The following VAV2 variants were observed in gnomAD, a reference collection of about 807,000 sequenced individuals.
VAV2 encodes guanine nucleotide exchange factor VAV2.
Under a neutral mutation model 132.5 loss-of-function variants are expected in VAV2, and 67 were observed. That is an observed-to-expected ratio of 0.51 (90% CI 0.42 to 0.62). The LOEUF (loss-of-function observed/expected upper bound fraction) is 0.62, where lower values mean the gene tolerates loss of function less well. Among genes scored for constraint, VAV2 ranks in the 20% least tolerant of loss-of-function variants. The probability of loss-of-function intolerance (pLI) is 0.00; values close to 1 mark genes in which losing one functional copy is unlikely to be tolerated. For missense variants in VAV2, 938 were observed against 1,153.6 expected, an observed-to-expected ratio of 0.81 and a Z score of 2.71; for synonymous variants, 492 against 443.5, an observed-to-expected ratio of 1.11 and a Z score of -1.37.
At position 133,778,805 on chromosome 9, in the gene VAV2, ACGTCGCC is replaced by A; in HGVS notation, c.1840_1846del (p.Gly614CysfsTer5). On this transcript the variant is annotated frameshift_variant, in exon 22 of 30. Coordinates refer to ENST00000371850, the MANE Select transcript of VAV2 (RefSeq NM_001134398.2). LOFTEE classifies it high-confidence loss of function. ...AGGGTCGCCCCTCAGCAGCTCAAGC[ACGTCGCC>A]CGTCTGGAAGGTCAGCACAGGCTTC... is the stretch of plus-strand genomic sequence containing the variant. 1.2e-6 allele frequency: 2 copies of A among 1,613,030 alleles called. No homozygotes were observed. The highest frequency in any genetic ancestry group is 1.7e-6 in the Non-Finnish European group (2 of 1,180,000).
At position 133,768,265 on chromosome 9, in the gene VAV2, C is replaced by T. The variant is rs188905513; in HGVS notation, c.2589+177G>A. 5.3e-4 allele frequency among the ~76,000 whole-genome samples: 81 copies of T among 152,280 alleles called. No homozygotes were observed. Among genetic ancestry groups the T allele is most frequent in the Non-Finnish European group, 8.4e-4 (57 of 68,016 alleles). On this transcript the variant is annotated intron_variant, in intron 29 of 29. Transcript: ENST00000371850. This position sits in a 1 kb window ranked among gnomAD's most constrained non-coding sequence, Gnocchi z 5.3. ...GGTTCGTGGTAAACATCTGGAGCCTCGGTTTCCCCCTGTGAATGCCAACCT... is the reference window on the plus strand; with the variant it reads ...GGTTCGTGGTAAACATCTGGAGCCTTGGTTTCCCCCTGTGAATGCCAACCT...
intron 4 of VAV2, among the ~76,000 whole-genome samples, chr9:133,822,520 A>G (rs1223232611): frequency 6.6e-6 from 1 of 152,182 alleles, no homozygotes; most frequent in East Asian, 1.9e-4. Context: ...TTTACACATC[A>G]GGGAGCTTGT....
chr9:133,780,747 C>T lies in VAV2; in HGVS notation c.1724-37G>A, dbSNP rs571910465. 13 of 1,263,596 alleles carry T rather than the reference C, an allele frequency of 1.0e-5. 1 individual carries two copies. In the South Asian group the frequency reaches 4.6e-4, roughly 45 times the overall value. 78.3% of individuals were successfully genotyped at this position (1,263,596 alleles called of 1,614,324 possible). On this transcript the variant is annotated intron_variant, in intron 19 of 29. Coordinates refer to ENST00000371850, the MANE Select transcript of VAV2 (RefSeq NM_001134398.2). ...GCAGGTCAGGTGTTAGAGGGGAGGC[C>T]ACCGACGCCAAGGCCCCGTGCAGCT...
chr9:133,877,692 G>A (rs182224046), intron 2 of VAV2, among the ~76,000 whole-genome samples: 122 of 152,276 alleles, frequency 8.0e-4, no homozygotes, highest in African/African-American at 2.7e-3. Flanking sequence ...TCCACTGCAC[G>A]TTCCCAGTCT....
rs1262170621 is a variant in VAV2, at chr9:133,768,362, G to A, written c.2589+80C>T. On this transcript the variant is annotated intron_variant, in intron 29 of 29. Transcript: ENST00000371850. This position sits in a 1 kb window ranked among gnomAD's most constrained non-coding sequence, Gnocchi z 5.3. The stretch of plus-strand genomic sequence containing the variant: ...CAGGGCCTGGGGTGTGGACATAGGT[G>A]TGGTGCTAGTCTGCCTGAGCCCGAC... 1.2e-5 allele frequency: 18 copies of A among 1,545,764 alleles called. No homozygotes were observed. The highest frequency in any genetic ancestry group is 1.5e-5 in the Non-Finnish European group (17 of 1,146,918).
chr9:133,835,727 A>G (rs983668905), intron 3 of VAV2, among the ~76,000 whole-genome samples: 22 of 152,222 alleles, frequency 1.4e-4, no homozygotes, highest in African/African-American at 5.1e-4. Flanking sequence ...CCGTCCCGGC[A>G]GCCCCGCCCC....
At chr9:133,934,858 C>G (rs1175473436) in intron 2 of VAV2, among the ~76,000 whole-genome samples, 1 of 152,242 alleles carries the variant, frequency 6.6e-6, no homozygotes, top group African/African-American at 2.4e-5. Context: ...GCTTCTGTCT[C>G]TCTGGTCTCT....
chr9:133,959,327 C>T (rs1340955680), intron 1 of VAV2, among the ~76,000 whole-genome samples: 3 of 152,168 alleles, frequency 2.0e-5, no homozygotes, highest in Non-Finnish European at 4.4e-5. Context: ...CCCCGACCCA[C>T]CTCACTCAGG....
chr9:133,769,582 GGGGGCATGGGGT>G lies in VAV2; in HGVS notation c.2348-91_2348-80del. 6.9e-7 allele frequency: 1 copy of G among 1,442,462 alleles called. No homozygotes were observed. Among genetic ancestry groups the G allele is most frequent in the Non-Finnish European group, 9.5e-7 (1 of 1,055,514 alleles). The allele number at this position is 1,442,462 out of a possible 1,614,324, so 89.4% of individuals were successfully genotyped here. ...TCACGGTGGGCACAGCTACAGGCCG[GGGGGCATGGGGT>G]GGGGCAGGCCCTTTGGCAGGAGAGG... On this transcript the variant is annotated intron_variant, in intron 27 of 29. Coordinates refer to ENST00000371850, the MANE Select transcript of VAV2 (RefSeq NM_001134398.2). The surrounding 1 kb of genome is among the most constrained non-coding windows in gnomAD (Gnocchi z 8.1).
chr9:133,827,739 C>CGCCAGCTACCGCTGCGCCCACTGGGGCTG lies in VAV2; in HGVS notation c.449+6532_449+6533insCAGCCCCAGTGGGCGCAGCGGTAGCTGGC. On this transcript the variant is annotated intron_variant, in intron 4 of 29. Transcript: ENST00000371850. ...GGGGCTGACCACTGAGCACGGGCAT[C>CGCCAGCTACCGCTGCGCCCACTGGGGCTG]ACCACCTACCGCTGCGCCCACTGGG... Among the ~76,000 whole-genome samples, 3 of 39,378 alleles carry CGCCAGCTACCGCTGCGCCCACTGGGGCTG rather than the reference C, an allele frequency of 7.6e-5. 1 individual carries two copies. The highest frequency in any genetic ancestry group is 1.3e-4 in the African/African-American group (3 of 22,520). 25.8% of individuals were successfully genotyped at this position (39,378 alleles called of 152,430 possible). A position where few individuals can be genotyped will look rare whatever the true frequency, so the allele number is the denominator to read the frequency against.
At position 133,926,519 on chromosome 9, in the gene VAV2, CT is replaced by C. The variant is rs1402030215; in HGVS notation, c.321+12583del. 6.6e-6 allele frequency among the ~76,000 whole-genome samples: 1 copy of C among 152,170 alleles called. No individual in the cohort carries two copies. The highest frequency in any genetic ancestry group is 6.5e-5 in the Admixed American group (1 of 15,290). ...GTAGGGCTCTCTGGCACTGCCCTAG[CT>C]CCTGCCCCTCCCAGTCTCCTACTCC... is the stretch of plus-strand genomic sequence containing the variant. On this transcript the variant is annotated intron_variant, in intron 2 of 29. Coordinates refer to ENST00000371850, the MANE Select transcript of VAV2 (RefSeq NM_001134398.2). This position sits in a 1 kb window ranked among gnomAD's most constrained non-coding sequence, Gnocchi z 4.3.
intron 1 of VAV2, among the ~76,000 whole-genome samples, chr9:133,988,275 A>T (rs536076663): frequency 6.6e-6 from 1 of 151,816 alleles, no homozygotes; most frequent in Admixed American, 6.6e-5. Flanking sequence ...CACCGTGACA[A>T]CCCAAAACCC....
chr9:133,896,110 A>G (rs1839191338), intron 2 of VAV2, among the ~76,000 whole-genome samples: 1 of 83,246 alleles, frequency 1.2e-5, no homozygotes, highest in Admixed American at 1.1e-4. Flanking sequence ...CTGGGTACTT[A>G]AGATTAGGGA....
intron 2 of VAV2, among the ~76,000 whole-genome samples, chr9:133,874,632 G>A (rs1012092534): frequency 3.9e-5 from 6 of 152,134 alleles, no homozygotes; most frequent in African/African-American, 1.4e-4. Flanking sequence ...GGGCAGGAGG[G>A]AGGGGTTCTG....
At position 133,885,465 on chromosome 9, in the gene VAV2, C is replaced by G. The variant is rs140155130; in HGVS notation, c.322-24033G>C. Among the ~76,000 whole-genome samples, 995 of 152,302 alleles carry G rather than the reference C, an allele frequency of 6.5e-3. 11 individuals are homozygous for G. Among genetic ancestry groups the G allele is most frequent in the Non-Finnish European group, 0.011 (733 of 68,024 alleles). Reference sequence around the variant, plus strand: ...CTTGATCCAAGGGCACAGCGGTGGCCGGTACTTCCTGAGGGCCTGCCACTG... The same window carrying G: ...CTTGATCCAAGGGCACAGCGGTGGCGGGTACTTCCTGAGGGCCTGCCACTG... On this transcript the variant is annotated intron_variant, in intron 2 of 29. Transcript: ENST00000371850. The surrounding 1 kb of genome is among the most constrained non-coding windows in gnomAD (Gnocchi z 5.0).
intron 3 of VAV2, among the ~76,000 whole-genome samples, chr9:133,848,764 C>G (rs943688448): frequency 8.5e-5 from 13 of 152,234 alleles, no homozygotes; most frequent in Non-Finnish European, 1.5e-4. Flanking sequence ...CAGGCTCCTG[C>G]GTCGTTCAGG....
intron 1 of VAV2, among the ~76,000 whole-genome samples, chr9:133,940,036 G>A (rs891886319): frequency 6.6e-6 from 1 of 152,266 alleles, no homozygotes; most frequent in Non-Finnish European, 1.5e-5. Context: ...AGCTTGGTAA[G>A]GAAACTTATA....
chr9:133,971,460 C>T (rs1032046269), intron 1 of VAV2, among the ~76,000 whole-genome samples: 29 of 152,160 alleles, frequency 1.9e-4, no homozygotes, highest in African/African-American at 6.8e-4. Flanking sequence ...CCCACACACA[C>T]ACAGAGGGGC....
rs1838621432 is a variant in VAV2, at chr9:133,884,445, G to A, written c.322-23013C>T. Among the ~76,000 whole-genome samples, 2 of 152,146 alleles carry A rather than the reference G, an allele frequency of 1.3e-5. No individual in the cohort carries two copies. Among genetic ancestry groups the A allele is most frequent in the Admixed American group, 1.3e-4 (2 of 15,278 alleles). The stretch of plus-strand genomic sequence containing the variant: ...CCCTTCTCAACGCCCGCCACACTTT[G>A]TCAATTAATTAGGGAGGGGGGTGCC... On this transcript the variant is annotated intron_variant, in intron 2 of 29. Transcript: ENST00000371850. This position sits in a 1 kb window ranked among gnomAD's most constrained non-coding sequence, Gnocchi z 5.3.
Sources: gnomAD v4.1 joint callset for allele counts (sites outside exome capture counted in the v4.1 genomes callset) on GRCh38, gnomAD v4.1.1 for gene constraint, Gnocchi (gnomAD v3.1) non-coding constraint, MANE v1.5 for transcripts, NCBI Gene and HGNC (gene_info 2026-07-23, HGNC 2026-07-21) for gene names.